DENND10: variants seen among roughly 807,000 people sequenced by gnomAD.
DENND10 encodes DENN domain containing 10, also known as DENN domain-containing protein 10.
In DENND10, 24 loss-of-function variants were observed where a neutral mutation model predicts 43.6. The ratio of observed to expected loss-of-function variants is 0.55; its 90% confidence interval spans 0.40 to 0.77. DENND10 has a LOEUF of 0.77. Among genes scored for constraint, DENND10 ranks in the 30% least tolerant of loss-of-function variants. DENND10 has a pLI of 0.00. For synonymous variants in DENND10, 125 were observed against 157.6 expected (o/e 0.79, Z 1.55); for missense variants, 303 against 429.9 (o/e 0.70, Z 2.61).
rs1044269870 is a variant in DENND10 at position 119,120,766 on chromosome 10, G to A, written c.593+314G>A. On this transcript the variant is annotated intron_variant, in intron 5 of 8. Transcript: ENST00000361432. ...GCACAAAAGCAACCATGGAGGACAC[G>A]TACATAAATGACTCAGCATGGCTGT... 2.6e-5 allele frequency among the ~76,000 whole-genome samples: 4 copies of A among 152,166 alleles called. No homozygotes were observed. In the South Asian group the frequency reaches 8.3e-4, roughly 32 times the overall value.
rs1845997925 is a variant in DENND10, at chr10:119,129,681, G to A, written c.802+59G>A. The A allele has an allele frequency of 7.9e-6, 10 of 1,266,732 alleles. No individual in the cohort carries two copies. In the South Asian group the frequency reaches 1.2e-4, roughly 15 times the overall value. 78.5% of individuals were successfully genotyped at this position (1,266,732 alleles called of 1,614,324 possible). ...TAAGCCAAACAGTTGTACATTTTTA[G>A]GCTGATTCTCTAAAACCAGTATGTG... On this transcript the variant is annotated intron_variant, in intron 7 of 8. Transcript: ENST00000361432.
chr10:119,119,690 C>T (rs1845466623), intron 4 of DENND10, among the ~76,000 whole-genome samples: 2 of 151,796 alleles, frequency 1.3e-5, no homozygotes, highest in Non-Finnish European at 2.9e-5. Context: ...GTTGGTATTA[C>T]AGACATGAGT....
intron 4 of DENND10, among the ~76,000 whole-genome samples, chr10:119,117,988 A>T (rs1047007588): frequency 6.6e-6 from 1 of 152,094 alleles, no homozygotes; most frequent in African/African-American, 2.4e-5. Context: ...AAAAACAAAA[A>T]AAAGAAGGTA....
intron 4 of DENND10, 74 bp from the exon 5 acceptor site, chr10:119,120,267 A>G: frequency 9.8e-7 from 1 of 1,017,108 alleles, no homozygotes; most frequent in Non-Finnish European, 1.5e-6. Flanking sequence ...AGAAAAAAGA[A>G]AAAAAGAAAA....
intron 5 of DENND10, among the ~76,000 whole-genome samples, chr10:119,122,185 G>A (rs963982270): frequency 6.6e-6 from 1 of 152,230 alleles, no homozygotes; most frequent in East Asian, 1.9e-4. Flanking sequence ...GCATGCACCC[G>A]TAGCCTGAGC....
intron 6 of DENND10, among the ~76,000 whole-genome samples, chr10:119,128,190 G>A (rs1385383666): frequency 6.6e-6 from 1 of 152,056 alleles, no homozygotes; most frequent in African/African-American, 2.4e-5. Flanking sequence ...GCATATGCCT[G>A]TAGTCCCAGC....
chr10:119,106,782 C>T (rs896753972), intron 1 of DENND10, among the ~76,000 whole-genome samples: 8 of 152,170 alleles, frequency 5.3e-5, no homozygotes, highest in Non-Finnish European at 1.2e-4. Context: ...CGGTGGCTCA[C>T]GCCTATAATC....
intron 3 of DENND10, among the ~76,000 whole-genome samples, chr10:119,117,057 G>C (rs1845322456): frequency 6.6e-6 from 1 of 152,080 alleles, no homozygotes; most frequent in African/African-American, 2.4e-5. Context: ...TACATGAAAA[G>C]ATTCAAGCAT....
rs544010232 is a variant in DENND10, at chr10:119,129,634, G to C, written c.802+12G>C. 4 of 1,570,728 alleles carry C rather than the reference G, an allele frequency of 2.5e-6. No individual in the cohort carries two copies. The highest frequency in any genetic ancestry group is 2.2e-5 in the South Asian group (2 of 90,180). On this transcript the variant is annotated intron_variant, in intron 7 of 8. Coordinates refer to ENST00000361432, the MANE Select transcript of DENND10 (RefSeq NM_207009.4). ...TCCCCTTGCAAAAGGTTTGTTCTCTGTTCTGTTCTTGATACAAGATATAAG... is the reference window on the plus strand; with the variant it reads ...TCCCCTTGCAAAAGGTTTGTTCTCTCTTCTGTTCTTGATACAAGATATAAG...
chr10:119,131,035 A>G (rs1235519037), intron 7 of DENND10, among the ~76,000 whole-genome samples: 1 of 152,244 alleles, frequency 6.6e-6, no homozygotes, highest in Non-Finnish European at 1.5e-5. Flanking sequence ...ACAGGGTTAA[A>G]TGTGACTCCA....
intron 5 of DENND10, among the ~76,000 whole-genome samples, chr10:119,121,366 G>A (rs1020447446): frequency 2.0e-5 from 3 of 149,954 alleles, no homozygotes; most frequent in Non-Finnish European, 3.0e-5. Flanking sequence ...GGCTGGTCTC[G>A]ATGTCCTAGG....
chr10:119,116,412 T>G lies in DENND10; in HGVS notation c.333-1107T>G, dbSNP rs545425751. On this transcript the variant is annotated intron_variant, in intron 3 of 8. Coordinates refer to ENST00000361432, the MANE Select transcript of DENND10 (RefSeq NM_207009.4). Reference sequence around the variant, plus strand: ...CTACAACTAATTACTGGTTTCTCTGTGAACAGTGCGTAAAACTCCTTTCTC... The same window carrying G: ...CTACAACTAATTACTGGTTTCTCTGGGAACAGTGCGTAAAACTCCTTTCTC... Among the ~76,000 whole-genome samples the G allele has an allele frequency of 3.9e-5, 6 of 152,314 alleles. No individual in the cohort carries two copies. The East Asian group carries it at 1.2e-3, about 29-fold the overall frequency.
In DENND10 at chr10:119,117,724, T is replaced by A. The variant is rs148298113; in HGVS notation, c.481+57T>A. On this transcript the variant is annotated intron_variant, in intron 4 of 8. Transcript: ENST00000361432. ...GGCTCACGCCTGTAATCCCAACACTTTGGGAGGCCAAGGCGGGTGGATCAC... is the reference window on the plus strand; with the variant it reads ...GGCTCACGCCTGTAATCCCAACACTATGGGAGGCCAAGGCGGGTGGATCAC... 1.9e-6 allele frequency: 3 copies of A among 1,577,932 alleles called. No individual in the cohort carries two copies. The East Asian group carries it at 6.8e-5, about 36-fold the overall frequency.
At chr10:119,118,764 G>T (rs1845415715) in intron 4 of DENND10, among the ~76,000 whole-genome samples, 1 of 151,698 alleles carries the variant, frequency 6.6e-6, no homozygotes, top group African/African-American at 2.4e-5. Context: ...TTAACTTCCT[G>T]GGCTCAAGCA....
At chr10:119,131,185 A>G (rs542735262) in intron 7 of DENND10, among the ~76,000 whole-genome samples, 6 of 152,338 alleles carry the variant, frequency 3.9e-5, no homozygotes, top group Middle Eastern at 3.4e-3. Context: ...TAGGCCGGCC[A>G]TGGTGGCTCA....
chr10:119,134,806 G>T (rs1846240139), intron 8 of DENND10: 1 of 152,222 alleles, frequency 6.6e-6, no homozygotes, highest in South Asian at 2.1e-4. Flanking sequence ...TTCTCAAAAA[G>T]TTAAACATCA....
At chr10:119,105,493 C>T in intron 1 of DENND10, 2 of 1,169,432 alleles carry the variant, frequency 1.7e-6, no homozygotes, top group Non-Finnish European at 1.1e-6. Context: ...ACATGTTGTC[C>T]AGGTGGATTA....
chr10:119,129,825 T>C (rs534285377), intron 7 of DENND10, among the ~76,000 whole-genome samples: 1 of 152,336 alleles, frequency 6.6e-6, no homozygotes, highest in African/African-American at 2.4e-5. Flanking sequence ...GCAGAGTGTA[T>C]ATTAAGAAGT....
chr10:119,116,680 T>C (rs111417788), intron 3 of DENND10, among the ~76,000 whole-genome samples: 4 of 57,856 alleles, frequency 6.9e-5, no homozygotes, highest in African/African-American at 1.9e-4. Flanking sequence ...TTTTTTTTTT[T>C]TTTTTTGAGA....
Sources: gnomAD v4.1 joint callset for allele counts (sites outside exome capture counted in the v4.1 genomes callset) on GRCh38, gnomAD v4.1.1 for gene constraint, MANE v1.5 for transcripts, NCBI Gene and HGNC (gene_info 2026-07-23, HGNC 2026-07-21) for gene names.